The following ELAPOR2 variants were observed in gnomAD, a reference collection of about 807,000 sequenced individuals.
ELAPOR2 encodes endosome-lysosome associated apoptosis and autophagy regulator family member 2, also known as endosome/lysosome-associated apoptosis and autophagy regulator family member 2.
A neutral mutation model predicts 120.7 loss-of-function variants in ELAPOR2; 89 were observed. The ratio of observed to expected loss-of-function variants is 0.74; its 90% CI spans 0.62 to 0.88. The LOEUF is 0.88. ELAPOR2 is among the 40% of genes least tolerant of loss of function. The pLI, the probability that ELAPOR2 is intolerant of heterozygous loss-of-function variation, is 0.00. For synonymous variants in ELAPOR2, 444 were observed against 444.9 expected (o/e 1.00, Z 0.03); for missense variants, 1,134 against 1,251.6 (o/e 0.91, Z 1.42).
chr7:86,904,188 T>C (rs551967736), intron 18 of ELAPOR2, among the ~76,000 whole-genome samples: 1 of 152,154 alleles, frequency 6.6e-6, no homozygotes, highest in Non-Finnish European at 1.5e-5. Flanking sequence ...ATTATCAGAG[T>C]AAAAATGCTT....
intron 1 of ELAPOR2, among the ~76,000 whole-genome samples, chr7:87,031,660 G>A (rs1285831842): frequency 6.6e-6 from 1 of 152,132 alleles, no homozygotes; most frequent in Non-Finnish European, 1.5e-5. Context: ...TACATGTTTA[G>A]ACTGCTGCGG....
intron 21 of ELAPOR2, among the ~76,000 whole-genome samples, chr7:86,884,478 T>C (rs141665126): frequency 8.5e-5 from 13 of 152,208 alleles, no homozygotes; most frequent in African/African-American, 2.9e-4. Context: ...AATACAGCAT[T>C]GGTGGGAGGT....
chr7:86,939,528 C>T (rs1445329535), intron 6 of ELAPOR2, among the ~76,000 whole-genome samples: 1 of 152,054 alleles, frequency 6.6e-6, no homozygotes. Context: ...TGAGAATGAA[C>T]CATGCCAGGG....
intron 21 of ELAPOR2, among the ~76,000 whole-genome samples, chr7:86,890,717 A>T (rs954628404): frequency 8.6e-5 from 13 of 151,932 alleles, no homozygotes; most frequent in Non-Finnish European, 1.3e-4. Context: ...AATAATCACT[A>T]TTTTTTTGTT....
intron 2 of ELAPOR2, among the ~76,000 whole-genome samples, chr7:86,954,856 A>C (rs1247621340): frequency 6.6e-6 from 1 of 152,142 alleles, no homozygotes; most frequent in African/African-American, 2.4e-5. Flanking sequence ...AATAAGGTTC[A>C]AACCATAGAC....
rs894751043 is a variant in ELAPOR2, at chr7:86,992,431, C to CA, written c.190-27408dup. On this transcript the variant is annotated intron_variant, in intron 1 of 21. Transcript: ENST00000450689. The stretch of plus-strand genomic sequence containing the variant: ...GGGCAACAGAGCAAGATTCTTGTCT[C>CA]AAAAAAAAAATAGCTCCTAATAAAT... Among the ~76,000 whole-genome samples the CA allele has an allele frequency of 4.8e-4, 70 of 147,268 alleles. 1 individual carries two copies. Among genetic ancestry groups the CA allele is most frequent in the South Asian group, 4.3e-4 (2 of 4,660 alleles).
At chr7:86,911,778 C>G (rs540519714) in intron 15 of ELAPOR2, 70 of 526,308 alleles carry the variant, frequency 1.3e-4, no homozygotes, top group South Asian at 9.9e-4. Context: ...ATTGACAACC[C>G]TGACCCATTT....
At chr7:86,918,820 C>T (rs1046146477) in intron 11 of ELAPOR2, among the ~76,000 whole-genome samples, 1 of 151,960 alleles carries the variant, frequency 6.6e-6, no homozygotes, top group Non-Finnish European at 1.5e-5. Context: ...AATTTCAACA[C>T]GGGGAACTAA....
intron 1 of ELAPOR2, among the ~76,000 whole-genome samples, chr7:87,040,113 G>C (rs1794725720): frequency 6.6e-6 from 1 of 152,260 alleles, no homozygotes; most frequent in African/African-American, 2.4e-5. Flanking sequence ...CTGGCTCGGA[G>C]GGTCCTACGC....
rs549950169 is a variant in ELAPOR2, at chr7:87,051,439, A to G, written c.189+7886T>C. Among the ~76,000 whole-genome samples, 13 of 152,318 alleles carry G rather than the reference A, an allele frequency of 8.5e-5. 2 individuals carry two copies. The highest frequency in any genetic ancestry group is 2.9e-4 in the African/African-American group (12 of 41,562). Reference sequence around the variant, plus strand: ...CATATCCCAGATCTTTCATACTTCAATGCACCTCCTGAGAAACACTATTCT... The same window carrying G: ...CATATCCCAGATCTTTCATACTTCAGTGCACCTCCTGAGAAACACTATTCT... On this transcript the variant is annotated intron_variant, in intron 1 of 21. Transcript: ENST00000450689.
intron 18 of ELAPOR2, among the ~76,000 whole-genome samples, chr7:86,905,070 A>AGAAGGAAG (rs201126011): frequency 0.13 from 13,021 of 97,904 alleles, 1,076 homozygotes; most frequent in East Asian, 0.19. Flanking sequence ...ACAGAGAGAG[A>AGAAGGAAG]GAAGGAAGGA....
At chr7:87,035,120 C>A (rs1193154485) in intron 1 of ELAPOR2, among the ~76,000 whole-genome samples, 2 of 151,646 alleles carry the variant, frequency 1.3e-5, no homozygotes, top group Admixed American at 1.3e-4. Flanking sequence ...GTGCTAGCTA[C>A]GACTAATGCA....
At position 86,964,923 on chromosome 7, in the gene ELAPOR2, T is replaced by C; in HGVS notation, c.291A>G (p.Pro97=). 4 of 1,551,582 alleles carry C rather than the reference T, an allele frequency of 2.6e-6. No individual in the cohort carries two copies. Among genetic ancestry groups the C allele is most frequent in the Non-Finnish European group, 3.5e-6 (4 of 1,146,872 alleles). Residue 97 remains proline (P), a synonymous_variant, in exon 2 of 22, where the codon CCA becomes CCG. Transcript: ENST00000450689. ...SAVDCSGLPD[P]VRGKECTFSC... ...ACATACTGCATTCTTTGCCTCTCAC[T>C]GGGTCAGGCAGGCCAGAGCAGTCCA...
Position 86,876,976 on chromosome 7 carries a change from G to A in ELAPOR2, c.*3495C>T, listed in dbSNP as rs935673006. 3.3e-5 allele frequency: 5 copies of A among 152,134 alleles called. No homozygotes were observed. The highest frequency in any genetic ancestry group is 3.9e-4 in the East Asian group (2 of 5,194). 9.4% of individuals were successfully genotyped at this position (152,134 alleles called of 1,614,324 possible). ...ATCCATTTACATTTTGTATGTGGTT[G>A]CTTTCATACTACAATGGCAGAGTTG... On this transcript the variant is annotated 3_prime_UTR_variant, in exon 22 of 22. Coordinates refer to ENST00000450689, the MANE Select transcript of ELAPOR2 (RefSeq NM_001142749.3).
chr7:87,034,957 C>T (rs900508287), intron 1 of ELAPOR2, among the ~76,000 whole-genome samples: 6 of 151,918 alleles, frequency 3.9e-5, no homozygotes, highest in Non-Finnish European at 5.9e-5. Context: ...TGGCGTGTGC[C>T]TGTAATCCCA....
chr7:86,956,449 T>C (rs1361076514), intron 2 of ELAPOR2, among the ~76,000 whole-genome samples: 1 of 152,170 alleles, frequency 6.6e-6, no homozygotes, highest in Non-Finnish European at 1.5e-5. Flanking sequence ...CAACATCCTT[T>C]CCAGTGGGTC....
chr7:87,007,626 G>A (rs1793526180), intron 1 of ELAPOR2, among the ~76,000 whole-genome samples: 1 of 152,146 alleles, frequency 6.6e-6, no homozygotes, highest in African/African-American at 2.4e-5. Context: ...ATCATCTTTG[G>A]TTCAAGGAAT....
At chr7:86,931,302 G>C (rs913437438) in intron 8 of ELAPOR2, among the ~76,000 whole-genome samples, 2 of 151,964 alleles carry the variant, frequency 1.3e-5, no homozygotes, top group South Asian at 4.1e-4. Flanking sequence ...GCTGCTTGTG[G>C]TATTAACACT....
At chr7:86,985,064 CA>C (rs200404960) in intron 1 of ELAPOR2, among the ~76,000 whole-genome samples, 11 of 152,066 alleles carry the variant, frequency 7.2e-5, no homozygotes, top group African/African-American at 1.9e-4. Context: ...CACCTGTACA[CA>C]AAAAAACTAG....
Sources: allele counts gnomAD v4.1 joint callset (sites outside exome capture counted in the v4.1 genomes callset), GRCh38; gene constraint gnomAD v4.1.1; transcripts MANE v1.5; gene names NCBI Gene and HGNC (gene_info 2026-07-23, HGNC 2026-07-21).